GOLGA8A: variants seen among roughly 807,000 people sequenced by gnomAD.
The protein encoded by GOLGA8A is golgin A8 family member A, also known as golgin subfamily A member 8A.
A neutral mutation model predicts 22.1 loss-of-function variants in GOLGA8A; 3 were observed. The ratio of observed to expected loss-of-function variants is 0.14; its 90% CI spans 0.06 to 0.35. The LOEUF (loss-of-function observed/expected upper bound fraction) is 0.35. Among genes scored for constraint, GOLGA8A ranks in the 10% least tolerant of loss-of-function variants. The probability of loss-of-function intolerance (pLI) is 1.00; values close to 1 mark genes in which losing one functional copy is unlikely to be tolerated. For synonymous variants in GOLGA8A, 7 were observed against 91.7 expected, an observed-to-expected ratio of 0.08 and a Z score of 5.28; for missense variants, 16 against 233.2, an observed-to-expected ratio of 0.07 and a Z score of 6.07.
intron 2 of GOLGA8A, among the ~76,000 whole-genome samples, chr15:34,426,105 C>A (rs1388543203): frequency 3.4e-5 from 5 of 148,624 alleles, no homozygotes; most frequent in African/African-American, 1.2e-4. Context: ...TTCTAGGAAT[C>A]TATGCTACGA....
At position 34,381,141 on chromosome 15, in the gene GOLGA8A, G is replaced by A; in HGVS notation, c.*270C>T. On this transcript the variant is annotated 3_prime_UTR_variant, in exon 25 of 25. Coordinates refer to ENST00000359187, the MANE Select transcript of GOLGA8A (RefSeq NM_181077.5). ...TGTGTTTGAACTCCCACCACGTAAG[G>A]GCAAACTCGATATGCATGCTAATGA... is the stretch of plus-strand genomic sequence containing the variant. 1 of 534,820 alleles carries A rather than the reference G, an allele frequency of 1.9e-6. No individual in the cohort carries two copies. The highest frequency in any genetic ancestry group is 3.4e-6 in the Non-Finnish European group (1 of 297,034). 33.1% of individuals were successfully genotyped at this position (534,820 alleles called of 1,614,324 possible). A position where few individuals can be genotyped will look rare whatever the true frequency, so the allele number is the denominator to read the frequency against.
intron 2 of GOLGA8A, chr15:34,410,740 C>A (rs1481917582): frequency 3.7e-6 from 1 of 267,762 alleles, no homozygotes; most frequent in African/African-American, 2.6e-5. Context: ...CTTCATTGGT[C>A]CAGTTGGGAG....
At position 34,435,369 on chromosome 15, in the gene GOLGA8A, TC is replaced by T. The variant is rs1566915811; in HGVS notation, c.-1123+13del. On this transcript the variant is annotated intron_variant, in intron 2 of 24. Coordinates refer to ENST00000359187, the MANE Select transcript of GOLGA8A (RefSeq NM_181077.5). ...TAAGCTTCCAGGGGTGTGATCAGTG[TC>T]TTTTACAATTACCTTTTACTTTTAT... The T allele has an allele frequency of 6.7e-6, 1 of 149,762 alleles. No individual in the cohort carries two copies. The highest frequency in any genetic ancestry group is 1.5e-5 in the Non-Finnish European group (1 of 67,308). 9.3% of individuals were successfully genotyped at this position (149,762 alleles called of 1,614,324 possible).
chr15:34,436,158 A>T (rs2140300612), intron 1 of GOLGA8A, among the ~76,000 whole-genome samples: 1 of 149,240 alleles, frequency 6.7e-6, no homozygotes, highest in East Asian at 2.0e-4. Flanking sequence ...CCTGACCCAG[A>T]GGCCTGAGAA....
chr15:34,426,261 A>G (rs1892979576), intron 2 of GOLGA8A, among the ~76,000 whole-genome samples: 1 of 149,898 alleles, frequency 6.7e-6, no homozygotes, highest in South Asian at 2.1e-4. Flanking sequence ...CTGCTTGCGC[A>G]AAGGACAAGG....
At chr15:34,434,330 A>G (rs1458962301) in intron 2 of GOLGA8A, among the ~76,000 whole-genome samples, 1 of 149,698 alleles carries the variant, frequency 6.7e-6, no homozygotes, top group Non-Finnish European at 1.5e-5. Flanking sequence ...CCCACAGCCC[A>G]ACCTGGGAAA....
At position 34,422,708 on chromosome 15, in the gene GOLGA8A, C is replaced by T. The variant is rs1419326085; in HGVS notation, c.-1123+12675G>A. Among the ~76,000 whole-genome samples the T allele has an allele frequency of 4.5e-5, 4 of 89,776 alleles. 1 individual carries two copies. Among genetic ancestry groups the T allele is most frequent in the Non-Finnish European group, 8.4e-5 (3 of 35,822 alleles). The allele number at this position is 89,776 out of a possible 152,430, so 58.9% of individuals were successfully genotyped here. ...GGCCTTGTGTACGCTCGCGCTCGTG[C>T]GCTTGTGCGCTCTCTCTCGCTCTCG... On this transcript the variant is annotated intron_variant, in intron 2 of 24. Coordinates refer to ENST00000359187, the MANE Select transcript of GOLGA8A (RefSeq NM_181077.5).
chr15:34,418,259 G>A (rs1213128563), intron 2 of GOLGA8A: 3 of 134,636 alleles, frequency 2.2e-5, no homozygotes, highest in Non-Finnish European at 4.8e-5. Context: ...CATTCAAACG[G>A]TAGCAAATTT....
chr15:34,405,327 CTTCT>C (rs1324560806), intron 4 of GOLGA8A, among the ~76,000 whole-genome samples: 2 of 122,102 alleles, frequency 1.6e-5, no homozygotes, highest in African/African-American at 6.0e-5. Context: ...TATTTATTTA[CTTCT>C]TTAATTTTTA....
In GOLGA8A at chr15:34,380,952, T is replaced by C. The variant is rs1190464170; in HGVS notation, c.*459A>G. 9.4e-6 allele frequency: 3 copies of C among 320,424 alleles called. No individual in the cohort carries two copies. Among genetic ancestry groups the C allele is most frequent in the African/African-American group, 2.2e-5 (1 of 45,684 alleles). The allele number at this position is 320,424 out of a possible 1,614,324, so 19.8% of individuals were successfully genotyped here. ...TGAGGGCAAACCGCATATTGAGCTA[T>C]AGAAGAGCTCACTGTGATTAAGATG... On this transcript the variant is annotated 3_prime_UTR_variant, in exon 25 of 25. Coordinates refer to ENST00000359187, the MANE Select transcript of GOLGA8A (RefSeq NM_181077.5).
In GOLGA8A at chr15:34,428,464, GGCAGCCTCAGCCAGCATCCAGC is replaced by G. The variant is rs1237221976; in HGVS notation, c.-1123+6897_-1123+6918del. 2.0e-5 allele frequency among the ~76,000 whole-genome samples: 3 copies of G among 148,900 alleles called. No homozygotes were observed. The East Asian group carries it at 5.9e-4, about 29-fold the overall frequency. The stretch of plus-strand genomic sequence containing the variant: ...AGTTACAGCGCATGGAAGTAACAAA[GGCAGCCTCAGCCAGCATCCAGC>G]GCAGTCCCAGCAGACAGGGATAATG... On this transcript the variant is annotated intron_variant, in intron 2 of 24. Transcript: ENST00000359187.
intron 2 of GOLGA8A, chr15:34,428,807 C>T (rs34960231): frequency 6.9e-6 from 1 of 145,280 alleles, no homozygotes; most frequent in African/African-American, 2.6e-5. Flanking sequence ...CTGCAGAGGC[C>T]TCTGCAGCCC....
rs1414647355 is a variant in GOLGA8A at position 34,418,178 on chromosome 15, G to A, written c.-1122-10443C>T. ...GCTTCATCTTTACTTCTAGGCTGCT[G>A]TAAAGATGTATAAGGTTTTCACTTT... On this transcript the variant is annotated intron_variant, in intron 2 of 24. Transcript: ENST00000359187. 4 of 114,068 alleles carry A rather than the reference G, an allele frequency of 3.5e-5. 1 individual carries two copies. Among genetic ancestry groups the A allele is most frequent in the African/African-American group, 1.3e-4 (4 of 31,276 alleles). 7.1% of individuals were successfully genotyped at this position (114,068 alleles called of 1,614,324 possible).
intron 2 of GOLGA8A, among the ~76,000 whole-genome samples, chr15:34,430,889 A>T (rs1893198017): frequency 6.7e-6 from 1 of 149,576 alleles, no homozygotes; most frequent in Admixed American, 6.7e-5. Flanking sequence ...CAGAGCTTCC[A>T]GTTCCTAACA....
chr15:34,426,851 C>T (rs1374360502), intron 2 of GOLGA8A, among the ~76,000 whole-genome samples: 1 of 143,474 alleles, frequency 7.0e-6, no homozygotes, highest in African/African-American at 2.5e-5. Flanking sequence ...CAAGTCCAGC[C>T]TAGAGACAAC....
At chr15:34,431,115 T>G (rs1893209221) in intron 2 of GOLGA8A, among the ~76,000 whole-genome samples, 1 of 148,450 alleles carries the variant, frequency 6.7e-6, no homozygotes, top group Non-Finnish European at 1.5e-5. Context: ...CTTTACTATT[T>G]TTGAAACAAT....
At position 34,434,603 on chromosome 15, in the gene GOLGA8A, G is replaced by A. The variant is rs1893410167; in HGVS notation, c.-1123+780C>T. 2.0e-5 allele frequency among the ~76,000 whole-genome samples: 3 copies of A among 148,676 alleles called. 1 individual carries two copies. The highest frequency in any genetic ancestry group is 3.0e-5 in the Non-Finnish European group (2 of 66,944). On this transcript the variant is annotated intron_variant, in intron 2 of 24. Transcript: ENST00000359187. ...CAACCCAGGCGGTGGGCAGCAGGGG[G>A]GTGGGGAGGAACTCTGGGAAAGGAA...
intron 2 of GOLGA8A, among the ~76,000 whole-genome samples, chr15:34,431,345 A>ATATCTCTCTCTCTCTCTCTC (rs1893242853): frequency 7.7e-6 from 1 of 130,484 alleles, no homozygotes; most frequent in African/African-American, 3.1e-5. Flanking sequence ...ATATATATAT[A>ATATCTCTCTCTCTCTCTCTC]TCTCACACAC....
rs1893559919 is a variant in GOLGA8A at position 34,437,104 on chromosome 15, C to T, written c.-1212+294G>A. Among the ~76,000 whole-genome samples the T allele has an allele frequency of 2.0e-5, 3 of 148,174 alleles. No individual in the cohort carries two copies. In the South Asian group the frequency reaches 6.5e-4, roughly 32 times the overall value. On this transcript the variant is annotated intron_variant, in intron 1 of 24. Transcript: ENST00000359187. ...CTTGCCGGCGCCGAGAGTGGCCCCT[C>T]GCCGCGGTGAGCCCCTCCCGGGATG...
Sources: allele counts gnomAD v4.1 joint callset (sites outside exome capture counted in the v4.1 genomes callset), GRCh38; gene constraint gnomAD v4.1.1; transcripts MANE v1.5; gene names NCBI Gene and HGNC (gene_info 2026-07-23, HGNC 2026-07-21).